The following PAPPA2 variants were observed in gnomAD, a reference collection of about 807,000 sequenced individuals.
PAPPA2 encodes the protein pappalysin 2.
A neutral mutation model predicts 176.4 loss-of-function variants in PAPPA2; 86 were observed. The ratio of observed to expected loss-of-function variants is 0.49; its 90% CI spans 0.41 to 0.58. The LOEUF (loss-of-function observed/expected upper bound fraction) is 0.58, where lower values mean the gene tolerates loss of function less well. Ranked by LOEUF, PAPPA2 falls within the 20% of genes least tolerant of loss-of-function variation. PAPPA2 has a pLI of 0.00. For missense variants in PAPPA2, 2,073 were observed against 2,256.9 expected (o/e 0.92, Z 1.65); for synonymous variants, 809 against 852.2 (o/e 0.95, Z 0.88).
chr1:176,677,377 A>G (rs1659355454), intron 4 of PAPPA2, among the ~76,000 whole-genome samples: 1 of 152,188 alleles, frequency 6.6e-6, no homozygotes, highest in Non-Finnish European at 1.5e-5. Flanking sequence ...GGCTTAAGTC[A>G]CTATGTGGAA....
At chr1:176,633,736 A>G (rs1240765909) in intron 3 of PAPPA2, among the ~76,000 whole-genome samples, 3 of 151,542 alleles carry the variant, frequency 2.0e-5, no homozygotes, top group African/African-American at 7.4e-5. Flanking sequence ...CAAAGAACTC[A>G]AATTTACAAG....
intron 21 of PAPPA2, among the ~76,000 whole-genome samples, chr1:176,824,938 G>A (rs913536584): frequency 1.3e-5 from 2 of 152,186 alleles, no homozygotes; most frequent in African/African-American, 4.8e-5. Flanking sequence ...TGGCACTACA[G>A]CTAAGACTGG....
intron 3 of PAPPA2, among the ~76,000 whole-genome samples, chr1:176,635,192 C>G (rs555378748): frequency 2.0e-5 from 3 of 152,084 alleles, no homozygotes; most frequent in Non-Finnish European, 4.4e-5. Context: ...GTTAGAAAAG[C>G]ATTTTGCATG....
At chr1:176,643,459 T>A (rs1657213787) in intron 3 of PAPPA2, among the ~76,000 whole-genome samples, 1 of 151,684 alleles carries the variant, frequency 6.6e-6, no homozygotes, top group African/African-American at 2.4e-5. Context: ...TAAAAACCAT[T>A]CTTTGTTCAC....
intron 1 of PAPPA2, among the ~76,000 whole-genome samples, chr1:176,549,916 A>G (rs1650844952): frequency 6.6e-6 from 1 of 152,228 alleles, no homozygotes; most frequent in Non-Finnish European, 1.5e-5. Flanking sequence ...AGTTTTGACA[A>G]ATGCATACAG....
chr1:176,623,909 C>G (rs1655857091), intron 3 of PAPPA2, among the ~76,000 whole-genome samples: 1 of 150,904 alleles, frequency 6.6e-6, no homozygotes, highest in Admixed American at 6.6e-5. Context: ...GGTGTGAACA[C>G]AGCTCACTAC....
chr1:176,716,150 T>C (rs1412160856), intron 12 of PAPPA2, among the ~76,000 whole-genome samples: 4 of 151,686 alleles, frequency 2.6e-5, no homozygotes, highest in East Asian at 1.9e-4. Context: ...GGTTCTTACC[T>C]CTCCTAGGAC....
chr1:176,748,024 A>C (rs959409209), intron 14 of PAPPA2, among the ~76,000 whole-genome samples: 2 of 152,194 alleles, frequency 1.3e-5, no homozygotes, highest in African/African-American at 4.8e-5. Flanking sequence ...TAAATTTTAC[A>C]ATCTTTTGTA....
rs16828548 is a variant in PAPPA2 at position 176,529,199 on chromosome 1, A to G, written c.-916-26208A>G. On this transcript the variant is annotated intron_variant, in intron 1 of 22. Transcript: ENST00000367662. The stretch of plus-strand genomic sequence containing the variant: ...ACTGGGACAAAAGCTAATTTGGTGA[A>G]GTGCATTTGAGGAAAATCAGGTGGG... 4.3e-3 allele frequency among the ~76,000 whole-genome samples: 648 copies of G among 152,262 alleles called. 7 individuals are homozygous for G. Among genetic ancestry groups the G allele is most frequent in the African/African-American group, 0.015 (625 of 41,544 alleles).
intron 14 of PAPPA2, among the ~76,000 whole-genome samples, chr1:176,752,991 G>T (rs1374314489): frequency 6.6e-6 from 1 of 152,222 alleles, no homozygotes; most frequent in East Asian, 1.9e-4. Context: ...AGAATTCACT[G>T]TAGATACGGA....
intron 3 of PAPPA2, among the ~76,000 whole-genome samples, chr1:176,668,600 A>G (rs1310627103): frequency 4.6e-5 from 7 of 152,154 alleles, no homozygotes; most frequent in African/African-American, 1.4e-4. Context: ...AACTTTTGAA[A>G]TGGTTACCTG....
At chr1:176,542,365 T>TA (rs953458201) in intron 1 of PAPPA2, among the ~76,000 whole-genome samples, 65 of 149,224 alleles carry the variant, frequency 4.4e-4, no homozygotes, top group South Asian at 6.4e-4. Flanking sequence ...AAGTTTAAAA[T>TA]AAAAAAAAAA....
At chr1:176,816,398 C>CAT (rs1666405536) in intron 21 of PAPPA2, among the ~76,000 whole-genome samples, 1 of 150,726 alleles carries the variant, frequency 6.6e-6, no homozygotes, top group Non-Finnish European at 1.5e-5. Flanking sequence ...CACACACACA[C>CAT]ACACGCATAC....
At chr1:176,649,566 T>A (rs1362087383) in intron 3 of PAPPA2, among the ~76,000 whole-genome samples, 7 of 151,368 alleles carry the variant, frequency 4.6e-5, no homozygotes, top group Admixed American at 4.6e-4. Flanking sequence ...TATAAACTTC[T>A]CTTTGTTGTA....
intron 21 of PAPPA2, among the ~76,000 whole-genome samples, chr1:176,821,595 C>T (rs1666669177): frequency 6.6e-6 from 1 of 152,154 alleles, no homozygotes; most frequent in Non-Finnish European, 1.5e-5. Flanking sequence ...GGGACCTAGG[C>T]TTTAGAGTTT....
chr1:176,791,842 C>T (rs943054706), intron 19 of PAPPA2, among the ~76,000 whole-genome samples: 1 of 152,152 alleles, frequency 6.6e-6, no homozygotes, highest in Non-Finnish European at 1.5e-5. Context: ...GCACCCAGCC[C>T]GCCCAGCTGA....
intron 1 of PAPPA2, among the ~76,000 whole-genome samples, chr1:176,476,931 A>G (rs1478104472): frequency 6.6e-6 from 1 of 152,088 alleles, no homozygotes; most frequent in Non-Finnish European, 1.5e-5. Context: ...GTGCTCTTGG[A>G]CCTGATGCCA....
At chr1:176,518,016 T>A (rs1649010293) in intron 1 of PAPPA2, among the ~76,000 whole-genome samples, 1 of 152,184 alleles carries the variant, frequency 6.6e-6, no homozygotes, top group Non-Finnish European at 1.5e-5. Context: ...AGGGCTCGAA[T>A]AGAACTTAGT....
intron 1 of PAPPA2, among the ~76,000 whole-genome samples, chr1:176,496,172 ATGT>A (rs1331951564): frequency 2.0e-5 from 3 of 152,192 alleles, no homozygotes; most frequent in Admixed American, 1.3e-4. Context: ...TACATGTGCC[ATGT>A]TGGTGTGCTG....
Sources: allele counts gnomAD v4.1 joint callset (sites outside exome capture counted in the v4.1 genomes callset), GRCh38; gene constraint gnomAD v4.1.1; transcripts MANE v1.5; gene names NCBI Gene and HGNC (gene_info 2026-07-23, HGNC 2026-07-21).